RASEF: variants seen among roughly 807,000 people sequenced by gnomAD.
The protein encoded by RASEF is ras and EF-hand domain-containing protein.
In RASEF, 68 loss-of-function variants were observed where a neutral mutation model predicts 90.1. The ratio of observed to expected loss-of-function variants is 0.75; its 90% confidence interval spans 0.62 to 0.92. RASEF has a LOEUF of 0.92. Among genes scored for constraint, RASEF ranks in the 40% least tolerant of loss-of-function variants. The pLI is 0.00. For synonymous variants in RASEF, 331 were observed against 345.2 expected (o/e 0.96, Z 0.46); for missense variants, 949 against 937.2 (o/e 1.01, Z -0.16).
At chr9:83,024,828 C>A (rs931908948) in intron 2 of RASEF, among the ~76,000 whole-genome samples, 1 of 152,156 alleles carries the variant, frequency 6.6e-6, no homozygotes, top group Non-Finnish European at 1.5e-5. Context: ...AAAGAGACAG[C>A]AGAATTGAAG....
rs2118329859 is a variant in RASEF at position 82,981,241 on chromosome 9, G to C, written c.*1436C>G. The C allele has an allele frequency of 6.6e-6, 1 of 152,258 alleles. No individual in the cohort carries two copies. The highest frequency in any genetic ancestry group is 2.4e-5 in the African/African-American group (1 of 41,550). The allele number at this position is 152,258 out of a possible 1,614,324, so 9.4% of individuals were successfully genotyped here. On this transcript the variant is annotated 3_prime_UTR_variant, in exon 17 of 17. Coordinates refer to ENST00000376447, the MANE Select transcript of RASEF (RefSeq NM_152573.4). ...GTAGCCCACCCTAGGCTCAAGTGTT[G>C]ACTCCTTTGGCTCTTAGAGGCATCT...
intron 3 of RASEF, 105 bp from the exon 4 acceptor site, chr9:83,016,005 G>A: frequency 1.3e-6 from 1 of 795,246 alleles, no homozygotes; most frequent in Non-Finnish European, 2.1e-6. Flanking sequence ...GCTGACTTCA[G>A]TTCTCCTACA....
At chr9:83,155,693 A>G in the RASEF span, among the ~76,000 whole-genome samples, 20,545 of 152,232 alleles carry the variant, frequency 0.13, 1,559 homozygotes, top group East Asian at 0.29. Context: ...TGAAAAATAC[A>G]CAAAGCTTCC....
At chr9:83,136,952 T>C in the RASEF span, among the ~76,000 whole-genome samples, 13 of 152,072 alleles carry the variant, frequency 8.5e-5, no homozygotes, top group African/African-American at 3.1e-4. Context: ...TTTTTTTACT[T>C]CTTCAAAAAT....
At chr9:83,172,442 C>T in the RASEF span, among the ~76,000 whole-genome samples, 1 of 151,436 alleles carries the variant, frequency 6.6e-6, no homozygotes, top group Non-Finnish European at 1.5e-5. Flanking sequence ...TTTTGTATGT[C>T]TTCTCTTCCT....
chr9:83,025,290 G>T (rs1055712230), intron 2 of RASEF, among the ~76,000 whole-genome samples: 2 of 152,224 alleles, frequency 1.3e-5, no homozygotes, highest in Admixed American at 6.5e-5. Flanking sequence ...CCATGTGGTG[G>T]GCAGTGTGCA....
At chr9:83,056,465 C>T (rs1265466604) in intron 1 of RASEF, among the ~76,000 whole-genome samples, 2 of 152,164 alleles carry the variant, frequency 1.3e-5, no homozygotes, top group Non-Finnish European at 2.9e-5. Flanking sequence ...ATACATGAAG[C>T]AAGAAGGCAT....
chr9:83,012,308 T>C lies in RASEF; in HGVS notation c.843+126A>G, dbSNP rs552128314. The C allele has an allele frequency of 1.4e-5, 7 of 501,050 alleles. No individual in the cohort carries two copies. In the South Asian group the frequency reaches 1.8e-4, roughly 13 times the overall value. The allele number at this position is 501,050 out of a possible 1,614,324, so 31.0% of individuals were successfully genotyped here. A position where few individuals can be genotyped will look rare whatever the true frequency, so the allele number is the denominator to read the frequency against. On this transcript the variant is annotated intron_variant, in intron 5 of 16. Transcript: ENST00000376447. Reference sequence around the variant, plus strand: ...ATAGTATCTTTGATCAAAGTTATTTTAAGGACTTTTTCTAACTACAGTATT... The same window carrying C: ...ATAGTATCTTTGATCAAAGTTATTTCAAGGACTTTTTCTAACTACAGTATT...
intron 1 of RASEF, among the ~76,000 whole-genome samples, chr9:83,044,640 T>G (rs1010978343): frequency 6.6e-6 from 1 of 152,212 alleles, no homozygotes; most frequent in African/African-American, 2.4e-5. Flanking sequence ...GTTTGAATTT[T>G]CTGTTACTTA....
At chr9:83,011,787 T>G (rs1829251811) in intron 5 of RASEF, among the ~76,000 whole-genome samples, 1 of 152,006 alleles carries the variant, frequency 6.6e-6, no homozygotes, top group South Asian at 2.1e-4. Context: ...CAAAGCCTAC[T>G]AAGATGTGGA....
the RASEF span, among the ~76,000 whole-genome samples, chr9:83,141,977 A>G: frequency 6.6e-6 from 1 of 152,214 alleles, no homozygotes; most frequent in Non-Finnish European, 1.5e-5. Context: ...TTATATGCCA[A>G]TACAACTGTT....
chr9:83,188,671 G>C, the RASEF span, among the ~76,000 whole-genome samples: 2 of 152,152 alleles, frequency 1.3e-5, no homozygotes, highest in Non-Finnish European at 2.9e-5. Context: ...ACACATACCG[G>C]ACAGAGACCA....
rs544901944 is a variant in RASEF at position 83,005,274 on chromosome 9, C to T, written c.1113+142G>A. 3.0e-5 allele frequency: 19 copies of T among 624,232 alleles called. No homozygotes were observed. In the South Asian group the frequency reaches 3.8e-4, roughly 13 times the overall value. 38.7% of individuals were successfully genotyped at this position (624,232 alleles called of 1,614,324 possible). On this transcript the variant is annotated intron_variant, in intron 8 of 16. Transcript: ENST00000376447. ...TTTTTAATTTGGAAAAATGCTGCCT[C>T]GTTTTATTTTATGGAAAGATCTTCT...
At chr9:83,147,036 A>G in the RASEF span, among the ~76,000 whole-genome samples, 1 of 98,556 alleles carries the variant, frequency 1.0e-5, no homozygotes, top group African/African-American at 4.2e-5. Context: ...GTGTATATAT[A>G]TATGTATATA....
At chr9:83,093,369 C>A in the RASEF span, among the ~76,000 whole-genome samples, 1 of 152,170 alleles carries the variant, frequency 6.6e-6, no homozygotes, top group African/African-American at 2.4e-5. Context: ...CGGGGAGGCT[C>A]GGGCAGCACA....
chr9:83,006,508 GA>G (rs373940408), intron 7 of RASEF, among the ~76,000 whole-genome samples: 224 of 142,146 alleles, frequency 1.6e-3, no homozygotes, highest in Non-Finnish European at 2.4e-3. Context: ...CAAAAATGGT[GA>G]AAAAAAAAAA....
chr9:83,038,096 T>A (rs1437569148), intron 1 of RASEF, among the ~76,000 whole-genome samples: 1 of 152,110 alleles, frequency 6.6e-6, no homozygotes, highest in Non-Finnish European at 1.5e-5. Context: ...ATAATTTTGA[T>A]GTATCTAAGT....
chr9:83,213,747 C>T, the RASEF span, among the ~76,000 whole-genome samples: 1 of 152,106 alleles, frequency 6.6e-6, no homozygotes. Context: ...CCTCTCATGC[C>T]GAGTATATGG....
intron 13 of RASEF, 121 bp downstream of exon 13, chr9:82,998,244 A>C (rs1828957298): frequency 3.4e-6 from 2 of 590,926 alleles, no homozygotes; most frequent in Non-Finnish European, 6.1e-6. Context: ...ACATGTAATT[A>C]TGCATATAAT....
Sources: allele counts gnomAD v4.1 joint callset (sites outside exome capture counted in the v4.1 genomes callset), GRCh38; gene constraint gnomAD v4.1.1; transcripts MANE v1.5; gene names NCBI Gene and HGNC (gene_info 2026-07-23, HGNC 2026-07-21).